Variants in SRPK1 observed in about 807,000 individuals in gnomAD.
SRPK1 encodes SFRS protein kinase 1.
SRPK1 carries 52 observed loss-of-function variants against 89.5 expected under a neutral mutation model. The observed-to-expected ratio is 0.58, with a 90% CI of 0.46 to 0.73. The LOEUF is 0.73. SRPK1 is among the 30% of genes least tolerant of loss of function. SRPK1 has a pLI of 0.00. For missense variants in SRPK1, 603 were observed against 780.6 expected (o/e 0.77, Z 2.71); for synonymous variants, 255 against 270.2 (o/e 0.94, Z 0.55).
chr6:35,833,714 A>G lies in SRPK1; in HGVS notation c.*1590T>C, dbSNP rs1291398388. On this transcript the variant is annotated 3_prime_UTR_variant, in exon 16 of 16. Transcript: ENST00000373825. ...GTTAAATGGATTGCATAACGGCACC[A>G]CTTTTCCTTTGTCACTGTGGTGGAT... The G allele has an allele frequency of 6.6e-6, 1 of 152,660 alleles. No individual in the cohort carries two copies. Among genetic ancestry groups the G allele is most frequent in the Non-Finnish European group, 1.5e-5 (1 of 68,040 alleles). The allele number at this position is 152,660 out of a possible 1,614,324, so 9.5% of individuals were successfully genotyped here.
chr6:35,835,058 A>G lies in SRPK1; in HGVS notation c.*246T>C. On this transcript the variant is annotated 3_prime_UTR_variant, in exon 16 of 16. Coordinates refer to ENST00000373825, the MANE Select transcript of SRPK1 (RefSeq NM_003137.5). ...AAGGTACAGGGCAAGAGGCTGTTTC[A>G]CATTTTAGTCCATTAGTCTTTGGCA... 2.6e-6 allele frequency: 1 copy of G among 381,532 alleles called. No homozygotes were observed. The highest frequency in any genetic ancestry group is 4.8e-6 in the Non-Finnish European group (1 of 209,220). 23.6% of individuals were successfully genotyped at this position (381,532 alleles called of 1,614,324 possible).
chr6:35,855,876 A>C (rs1425488819), intron 13 of SRPK1, among the ~76,000 whole-genome samples: 1 of 152,186 alleles, frequency 6.6e-6, no homozygotes, highest in Non-Finnish European at 1.5e-5. Flanking sequence ...CTGGGATTAT[A>C]GGCATGCACC....
chr6:35,888,925 T>A lies in SRPK1; in HGVS notation c.194-2A>T, dbSNP rs763597088. On this transcript the variant is annotated splice_acceptor_variant, in intron 3 of 15. Transcript: ENST00000373825. LOFTEE classifies it high-confidence loss of function. ...CAATTTTCACAAGATGATAACCTCC[T>A]GGAAGAAACAGGGGAAATACAATCA... 6.3e-7 allele frequency: 1 copy of A among 1,591,916 alleles called. No homozygotes were observed. Among genetic ancestry groups the A allele is most frequent in the African/African-American group, 1.3e-5 (1 of 74,522 alleles).
At chr6:35,889,553 G>A (rs1290212285) in intron 3 of SRPK1, among the ~76,000 whole-genome samples, 2 of 152,154 alleles carry the variant, frequency 1.3e-5, no homozygotes, top group Non-Finnish European at 2.9e-5. Flanking sequence ...GGAGGCCGAG[G>A]TGGGTGGATC....
intron 2 of SRPK1, among the ~76,000 whole-genome samples, chr6:35,901,826 A>T (rs1386923100): frequency 6.6e-6 from 1 of 152,188 alleles, no homozygotes; most frequent in Non-Finnish European, 1.5e-5. Flanking sequence ...AATCCTTTAC[A>T]TATCTAATTT....
At chr6:35,905,012 G>T (rs1320891960) in intron 2 of SRPK1, 25 of 436,976 alleles carry the variant, frequency 5.7e-5, no homozygotes, top group Non-Finnish European at 1.0e-4. Context: ...AAAATTAAGG[G>T]GGCCTGGTGG....
At chr6:35,890,839 C>A (rs183933089) in intron 3 of SRPK1, 56 bp downstream of exon 3, 3 of 1,454,104 alleles carry the variant, frequency 2.1e-6, no homozygotes, top group Non-Finnish European at 2.7e-6. Context: ...AACATCCAAA[C>A]GAGAAATTGC....
At chr6:35,869,433 A>G in intron 11 of SRPK1, 49 bp downstream of exon 11, 5 of 1,562,040 alleles carry the variant, frequency 3.2e-6, no homozygotes, top group Non-Finnish European at 4.4e-6. Flanking sequence ...AAATCTGTGA[A>G]TGTGTTGTGC....
intron 6 of SRPK1, among the ~76,000 whole-genome samples, chr6:35,885,294 C>CAGAGAG (rs1273529546): frequency 3.1e-5 from 4 of 131,108 alleles, no homozygotes; most frequent in South Asian, 2.5e-4. Flanking sequence ...CACACACACA[C>CAGAGAG]ACACAGAGAG....
chr6:35,900,655 G>C (rs768304648), intron 2 of SRPK1, among the ~76,000 whole-genome samples: 3 of 152,184 alleles, frequency 2.0e-5, no homozygotes, highest in African/African-American at 4.8e-5. Context: ...GAGAGCTATA[G>C]AGAAAAATTA....
intron 8 of SRPK1, among the ~76,000 whole-genome samples, chr6:35,871,633 A>G (rs1367717661): frequency 6.6e-6 from 1 of 152,194 alleles, no homozygotes; most frequent in East Asian, 1.9e-4. Flanking sequence ...AGAAGTGTAT[A>G]ACTAATAACT....
intron 8 of SRPK1, among the ~76,000 whole-genome samples, chr6:35,871,524 A>G (rs1459630392): frequency 1.3e-5 from 2 of 152,214 alleles, no homozygotes; most frequent in East Asian, 3.8e-4. Context: ...ACACTGTTGT[A>G]TAACAGGATC....
intron 6 of SRPK1, among the ~76,000 whole-genome samples, chr6:35,881,472 T>TAGATAC (rs1770289729): frequency 2.4e-5 from 3 of 122,858 alleles, no homozygotes; most frequent in East Asian, 4.1e-4. Flanking sequence ...GATATAGATA[T>TAGATAC]AGATATAGAT....
chr6:35,904,361 G>T (rs549831625), intron 2 of SRPK1, among the ~76,000 whole-genome samples: 95 of 152,062 alleles, frequency 6.2e-4, no homozygotes, highest in African/African-American at 2.1e-3. Context: ...CCACAACTGT[G>T]CTTAATACTA....
intron 12 of SRPK1, among the ~76,000 whole-genome samples, chr6:35,857,597 T>C (rs748679113): frequency 6.6e-6 from 1 of 152,218 alleles, no homozygotes; most frequent in Non-Finnish European, 1.5e-5. Flanking sequence ...AAACTTAATA[T>C]ACACAGGTCT....
chr6:35,854,271 C>T (rs1234672835), intron 13 of SRPK1, among the ~76,000 whole-genome samples: 1 of 152,034 alleles, frequency 6.6e-6, no homozygotes, highest in South Asian at 2.1e-4. Context: ...CTTTTTATAA[C>T]TGCCCTTCTA....
At chr6:35,846,223 A>C (rs1278410192) in intron 13 of SRPK1, among the ~76,000 whole-genome samples, 2 of 151,954 alleles carry the variant, frequency 1.3e-5, no homozygotes, top group African/African-American at 2.4e-5. Flanking sequence ...CCAGGAGTTC[A>C]AGACCAGCCT....
chr6:35,842,543 C>T lies in SRPK1; in HGVS notation c.1682G>A (p.Arg561Gln), dbSNP rs1006466337. ...TGGTTAAGGGGACTCACCTTCATCT[C>T]GAGTGTACTCTTCCCCTGAATGAGG... Reference protein sequence around the residue: ...FEPHSGEEYTRDEDHIALIIE... With the variant: ...FEPHSGEEYTQDEDHIALIIE... The change falls in exon 14 of 16, where the codon CGA becomes CAA. Residue 561 changes from arginine to glutamine, a missense_variant. By Grantham distance (43) the Arg-to-Gln change is conservative (BLOSUM62 1). Transcript: ENST00000373825. The T allele has an allele frequency of 1.2e-6, 2 of 1,611,388 alleles. No homozygotes were observed. Among genetic ancestry groups the T allele is most frequent in the East Asian group, 2.2e-5 (1 of 44,832 alleles).
intron 12 of SRPK1, among the ~76,000 whole-genome samples, chr6:35,860,815 A>G (rs112159526): frequency 1.3e-3 from 201 of 152,310 alleles, no homozygotes; most frequent in African/African-American, 4.6e-3. Flanking sequence ...TGATAAAGGT[A>G]TAAGTGTTTG....
Sources: allele counts gnomAD v4.1 joint callset (sites outside exome capture counted in the v4.1 genomes callset), GRCh38; gene constraint gnomAD v4.1.1; transcripts MANE v1.5; gene names NCBI Gene and HGNC (gene_info 2026-07-23, HGNC 2026-07-21).